FARP2: variants seen among roughly 807,000 people sequenced by gnomAD.
The protein encoded by FARP2 is FERM, ARHGEF and pleckstrin domain-containing protein 2.
Under a neutral mutation model 130.5 loss-of-function variants are expected in FARP2, and 111 were observed. That is an observed-to-expected ratio of 0.85 (90% CI 0.73 to 1.00). The LOEUF (loss-of-function observed/expected upper bound fraction) is 1.00, where lower values mean the gene tolerates loss of function less well. Among genes scored for constraint, FARP2 ranks in the 50% least tolerant of loss-of-function variants. FARP2 has a pLI of 0.00. For synonymous variants in FARP2, 504 were observed against 516.9 expected (o/e 0.98, Z 0.34); for missense variants, 1,385 against 1,346.3 (o/e 1.03, Z -0.45).
chr2:241,394,035 C>T (rs1252934679), intron 2 of FARP2, among the ~76,000 whole-genome samples: 2 of 152,148 alleles, frequency 1.3e-5, no homozygotes, highest in Non-Finnish European at 2.9e-5. Flanking sequence ...CCATTCTGAG[C>T]ATCTGGATGA....
At chr2:241,393,708 C>T (rs910363485) in intron 2 of FARP2, among the ~76,000 whole-genome samples, 2 of 152,174 alleles carry the variant, frequency 1.3e-5, no homozygotes, top group African/African-American at 2.4e-5. Context: ...AATTTTCCCA[C>T]AGAGCTTAAG....
At chr2:241,380,139 C>G (rs2061627505) in intron 2 of FARP2, among the ~76,000 whole-genome samples, 1 of 152,186 alleles carries the variant, frequency 6.6e-6, no homozygotes. Context: ...TCCTATTGAT[C>G]CCTGTACCAG....
intron 2 of FARP2, among the ~76,000 whole-genome samples, chr2:241,398,795 C>T (rs2150340530): frequency 6.6e-6 from 1 of 152,254 alleles, no homozygotes; most frequent in South Asian, 2.1e-4. Context: ...TCTTGAACTC[C>T]TGACCTCAGG....
chr2:241,479,503 C>A (rs368735180), intron 19 of FARP2, among the ~76,000 whole-genome samples: 4 of 152,364 alleles, frequency 2.6e-5, no homozygotes, highest in African/African-American at 9.6e-5. Context: ...GCTTCTGCAT[C>A]ATCACTACTT....
chr2:241,489,738 A>C, intron 21 of FARP2: 1 of 463,754 alleles, frequency 2.2e-6, no homozygotes, highest in Non-Finnish European at 3.9e-6. Flanking sequence ...CCCGGTGAGT[A>C]TTTGGGTGCC....
intron 1 of FARP2, among the ~76,000 whole-genome samples, chr2:241,358,068 A>T (rs1311461877): frequency 6.6e-6 from 1 of 152,204 alleles, no homozygotes; most frequent in African/African-American, 2.4e-5. Flanking sequence ...GCACGCCTGT[A>T]ATCATAGCTA....
chr2:241,405,252 A>G, intron 4 of FARP2: 1 of 154,884 alleles, frequency 6.5e-6, no homozygotes, highest in East Asian at 1.9e-4. Context: ...TATTTTTGAG[A>G]CAGGGTCTCG....
At chr2:241,434,592 C>T (rs2063171988) in intron 10 of FARP2, among the ~76,000 whole-genome samples, 1 of 152,198 alleles carries the variant, frequency 6.6e-6, no homozygotes, top group African/African-American at 2.4e-5. Context: ...TGGCTCACAC[C>T]TGTAATCCCA....
chr2:241,363,859 C>T (rs2061245499), intron 1 of FARP2, among the ~76,000 whole-genome samples: 1 of 152,158 alleles, frequency 6.6e-6, no homozygotes, highest in South Asian at 2.1e-4. Flanking sequence ...TTAAAAATGT[C>T]CAGGATACAA....
At chr2:241,455,932 G>C (rs982534219) in intron 13 of FARP2, among the ~76,000 whole-genome samples, 1 of 151,574 alleles carries the variant, frequency 6.6e-6, no homozygotes, top group Non-Finnish European at 1.5e-5. Flanking sequence ...GTAGAGATGG[G>C]GTTTCACCGT....
chr2:241,464,525 T>G (rs10182990), intron 17 of FARP2, among the ~76,000 whole-genome samples: 58,364 of 118,344 alleles, frequency 0.49, 11,851 homozygotes, highest in East Asian at 0.76. Flanking sequence ...AAAGCAGGGT[T>G]TCCCCAGAGC....
chr2:241,414,910 G>A (rs1312927366), intron 7 of FARP2, among the ~76,000 whole-genome samples: 1 of 152,184 alleles, frequency 6.6e-6, no homozygotes, highest in African/African-American at 2.4e-5. Flanking sequence ...AGAGGAGAGG[G>A]AGGTTCCAGC....
chr2:241,483,445 A>T lies in FARP2; in HGVS notation c.2263-20A>T. ...GCTGCCCTCAGCCCGCTGAAAGGGG[A>T]CTCTGTCTCTGTCTTTCAGGAGTTC... is the stretch of plus-strand genomic sequence containing the variant. On this transcript the variant is annotated intron_variant, in intron 19 of 26. Coordinates refer to ENST00000264042, the MANE Select transcript of FARP2 (RefSeq NM_014808.4). 1 of 1,610,422 alleles carries T rather than the reference A, an allele frequency of 6.2e-7. No homozygotes were observed.
At chr2:241,368,233 T>C (rs1239616523) in intron 1 of FARP2, among the ~76,000 whole-genome samples, 2 of 152,170 alleles carry the variant, frequency 1.3e-5, no homozygotes, top group Non-Finnish European at 2.9e-5. Flanking sequence ...TTTTTAGGAA[T>C]GAAGACTGCA....
rs2063959525 is a variant in FARP2, at chr2:241,459,666, T to G, written c.1587+2744T>G. On this transcript the variant is annotated intron_variant, in intron 14 of 26. Transcript: ENST00000264042. The surrounding 1 kb of genome is among the most constrained non-coding windows in gnomAD (Gnocchi z 5.3). ...AGCTCACAGGAATTGCATGCTCCTC[T>G]GGGCCTATCCCTGGCCGCCGTCTCA... Among the ~76,000 whole-genome samples, 1 of 152,200 alleles carries G rather than the reference T, an allele frequency of 6.6e-6. No homozygotes were observed. The highest frequency in any genetic ancestry group is 2.4e-5 in the African/African-American group (1 of 41,462).
chr2:241,408,762 C>G (rs2062432395), intron 5 of FARP2, among the ~76,000 whole-genome samples: 1 of 152,090 alleles, frequency 6.6e-6, no homozygotes, highest in African/African-American at 2.4e-5. Context: ...TAAAAGTGTA[C>G]TCATAAATGA....
chr2:241,463,310 C>T (rs2064075159), intron 15 of FARP2, 25 bp from the exon 16 acceptor site: 1 of 1,609,452 alleles, frequency 6.2e-7, no homozygotes, highest in Non-Finnish European at 8.5e-7. Flanking sequence ...GCCACACCTC[C>T]CATCACACCA....
intron 21 of FARP2, chr2:241,488,325 T>C (rs2064807412): frequency 2.6e-5 from 4 of 152,164 alleles, no homozygotes; most frequent in Admixed American, 6.5e-5. Context: ...CAGGAAGTTC[T>C]TCCCCATGCC....
At chr2:241,371,924 C>T (rs532131881) in intron 1 of FARP2, among the ~76,000 whole-genome samples, 5 of 151,908 alleles carry the variant, frequency 3.3e-5, no homozygotes, top group Admixed American at 6.6e-5. Flanking sequence ...CTAATACTAG[C>T]CTGATCTTCG....
Sources: allele counts gnomAD v4.1 joint callset (sites outside exome capture counted in the v4.1 genomes callset), GRCh38; gene constraint gnomAD v4.1.1; non-coding constraint Gnocchi (gnomAD v3.1); transcripts MANE v1.5; gene names NCBI Gene and HGNC (gene_info 2026-07-23, HGNC 2026-07-21).